PXDNL: variants seen among roughly 807,000 people sequenced by gnomAD.
PXDNL encodes probable oxidoreductase PXDNL.
PXDNL carries 145 observed loss-of-function variants against 150.8 expected under a neutral mutation model. The observed-to-expected ratio is 0.96, with a 90% confidence interval of 0.84 to 1.10. The LOEUF is 1.10. Ranked by LOEUF, PXDNL falls within the 50% of genes least tolerant of loss-of-function variation. The probability of loss-of-function intolerance (pLI) is 0.00; values close to 1 mark genes in which losing one functional copy is unlikely to be tolerated. For synonymous variants in PXDNL, 757 were observed against 725.7 expected (o/e 1.04, Z -0.69); for missense variants, 2,087 against 1,873.9 (o/e 1.11, Z -2.10).
chr8:51,324,696 T>C (rs1805431113), intron 21 of PXDNL, among the ~76,000 whole-genome samples: 1 of 152,232 alleles, frequency 6.6e-6, no homozygotes, highest in Non-Finnish European at 1.5e-5. Context: ...CTTTCCCCTC[T>C]GATCCATATT....
chr8:51,351,288 C>T lies in PXDNL; in HGVS notation c.3902-5341G>A, dbSNP rs773461129. On this transcript the variant is annotated intron_variant, in intron 19 of 22. Coordinates refer to ENST00000356297, the MANE Select transcript of PXDNL (RefSeq NM_144651.5). ...GAAATAGGGTTGTTGCAGAGTAATT[C>T]GTTAAGAGACCACACTGGAGTAGAT... Among the ~76,000 whole-genome samples the T allele has an allele frequency of 3.4e-4, 52 of 152,232 alleles. 1 individual carries two copies. The highest frequency in any genetic ancestry group is 6.2e-4 in the South Asian group (3 of 4,810).
At chr8:51,736,685 A>C (rs116343186) in intron 1 of PXDNL, among the ~76,000 whole-genome samples, 3,874 of 152,284 alleles carry the variant, frequency 0.025, 167 homozygotes, top group African/African-American at 0.088. Context: ...TATACATTAT[A>C]TTTTGTGCCC....
At chr8:51,799,696 A>G (rs565600388) in intron 1 of PXDNL, among the ~76,000 whole-genome samples, 1 of 152,328 alleles carries the variant, frequency 6.6e-6, no homozygotes, top group East Asian at 1.9e-4. Flanking sequence ...CAGCCTCTCT[A>G]TAACAGGGCA....
At chr8:51,346,622 T>C (rs1806167442) in intron 19 of PXDNL, among the ~76,000 whole-genome samples, 1 of 152,178 alleles carries the variant, frequency 6.6e-6, no homozygotes, top group African/African-American at 2.4e-5. Context: ...TATCTGGATG[T>C]GGGAGCGGCT....
chr8:51,703,704 C>A (rs1816304313), intron 1 of PXDNL, among the ~76,000 whole-genome samples: 1 of 152,136 alleles, frequency 6.6e-6, no homozygotes, highest in Admixed American at 6.5e-5. Flanking sequence ...TTCTTGTGTC[C>A]ACTCATAATC....
At chr8:51,403,710 C>T (rs1477991291) in intron 17 of PXDNL, among the ~76,000 whole-genome samples, 10 of 152,296 alleles carry the variant, frequency 6.6e-5, no homozygotes, top group Admixed American at 2.6e-4. Flanking sequence ...GTTTCCGCAC[C>T]GCTATGATCT....
At chr8:51,605,058 C>T (rs941787785) in intron 2 of PXDNL, among the ~76,000 whole-genome samples, 2 of 152,104 alleles carry the variant, frequency 1.3e-5, no homozygotes, top group Non-Finnish European at 2.9e-5. Context: ...TTTAGAATTA[C>T]TCAATATTTA....
chr8:51,643,097 T>C (rs1161697251), intron 2 of PXDNL, among the ~76,000 whole-genome samples: 2 of 152,170 alleles, frequency 1.3e-5, no homozygotes, highest in East Asian at 1.9e-4. Context: ...GAATCAATAT[T>C]GTGAAAATGG....
chr8:51,540,078 A>G (rs1392449016), intron 4 of PXDNL, among the ~76,000 whole-genome samples: 1 of 151,900 alleles, frequency 6.6e-6, no homozygotes, highest in East Asian at 1.9e-4. Context: ...TTGTATTTTT[A>G]GTAGAGATGG....
intron 14 of PXDNL, among the ~76,000 whole-genome samples, chr8:51,417,627 C>G (rs749203632): frequency 6.6e-6 from 1 of 152,022 alleles, no homozygotes; most frequent in Non-Finnish European, 1.5e-5. Context: ...CCCTTTTTCC[C>G]CCTGGGGAAG....
At position 51,413,150 on chromosome 8, in the gene PXDNL, T is replaced by C. The variant is rs779188081; in HGVS notation, c.1904A>G (p.Gln635Arg). Reference protein sequence around the residue: ...INSTRRHLFSQKPHTSSDLLA... With the variant: ...INSTRRHLFSRKPHTSSDLLA... Reference sequence around the variant, plus strand: ...CAATCTGTGTAAAATAAATTCTTACTGTGAAAACAAATGTCTTCGTGTGGA... The same window carrying C: ...CAATCTGTGTAAAATAAATTCTTACCGTGAAAACAAATGTCTTCGTGTGGA... Residue 635 changes from glutamine to arginine, a missense_variant and splice_region_variant, in exon 15 of 23, where the codon CAA becomes CGA. Gln to Arg is a conservative substitution (Grantham distance 43). Transcript: ENST00000356297. The C allele has an allele frequency of 6.5e-7, 1 of 1,541,874 alleles. No homozygotes were observed. The highest frequency in any genetic ancestry group is 9.0e-7 in the Non-Finnish European group (1 of 1,114,924).
At chr8:51,793,508 T>G (rs889738865) in intron 1 of PXDNL, among the ~76,000 whole-genome samples, 1 of 152,102 alleles carries the variant, frequency 6.6e-6, no homozygotes, top group Non-Finnish European at 1.5e-5. Flanking sequence ...TTAACAGAAG[T>G]AGGCTTCAGA....
intron 1 of PXDNL, among the ~76,000 whole-genome samples, chr8:51,705,916 A>G (rs1017921278): frequency 6.6e-6 from 1 of 152,250 alleles, no homozygotes. Flanking sequence ...ATTTATTTAA[A>G]TTGCATTTCC....
At chr8:51,361,842 G>A (rs1266456734) in intron 19 of PXDNL, among the ~76,000 whole-genome samples, 1 of 140,624 alleles carries the variant, frequency 7.1e-6, no homozygotes, top group Non-Finnish European at 1.5e-5. Flanking sequence ...GACACCTGTA[G>A]TCCCAGCTAC....
At chr8:51,329,772 C>T (rs764654657) in intron 21 of PXDNL, among the ~76,000 whole-genome samples, 14 of 152,064 alleles carry the variant, frequency 9.2e-5, no homozygotes, top group Non-Finnish European at 1.8e-4. Context: ...CATCAGTAGA[C>T]GTAATGTATT....
At chr8:51,411,453 A>G in intron 15 of PXDNL, 46 bp from the exon 16 acceptor site, 1 of 1,496,846 alleles carries the variant, frequency 6.7e-7, no homozygotes, top group South Asian at 1.4e-5. Flanking sequence ...AAAACAGCAG[A>G]GTCCATGAAG....
chr8:51,745,162 T>C (rs2036969383), intron 1 of PXDNL, among the ~76,000 whole-genome samples: 1 of 152,144 alleles, frequency 6.6e-6, no homozygotes, highest in Admixed American at 6.5e-5. Context: ...ATTGCTTACT[T>C]TGAGAAAATA....
In PXDNL at chr8:51,453,220, C is replaced by T. The variant is rs577919106; in HGVS notation, c.1249+299G>A. 3.9e-5 allele frequency among the ~76,000 whole-genome samples: 6 copies of T among 152,284 alleles called. No individual in the cohort carries two copies. The South Asian group carries it at 6.2e-4, about 16-fold the overall frequency. On this transcript the variant is annotated intron_variant, in intron 10 of 22. Coordinates refer to ENST00000356297, the MANE Select transcript of PXDNL (RefSeq NM_144651.5). The stretch of plus-strand genomic sequence containing the variant: ...CACTTTCATATCTGTACTGTCTTTC[C>T]TGTATCTGTGAAATATTCTGAAGCA...
At chr8:51,430,922 G>A (rs1809232187) in intron 12 of PXDNL, among the ~76,000 whole-genome samples, 4 of 152,050 alleles carry the variant, frequency 2.6e-5, no homozygotes, top group Non-Finnish European at 4.4e-5. Context: ...CAACAGCAAC[G>A]AATTTCAAGC....
Sources: allele counts gnomAD v4.1 joint callset (sites outside exome capture counted in the v4.1 genomes callset), GRCh38; gene constraint gnomAD v4.1.1; transcripts MANE v1.5; gene names NCBI Gene and HGNC (gene_info 2026-07-23, HGNC 2026-07-21).